The following LRRTM3 variants were observed in gnomAD, a reference collection of about 807,000 sequenced individuals.
The protein encoded by LRRTM3 is leucine-rich repeat transmembrane neuronal protein 3.
In LRRTM3, 24 loss-of-function variants were observed where a neutral mutation model predicts 44.7. The observed-to-expected ratio is 0.54, with a 90% CI of 0.39 to 0.76. LRRTM3 has a LOEUF of 0.76. LRRTM3 is among the 30% of genes least tolerant of loss of function. LRRTM3 has a pLI of 0.00. For missense variants in LRRTM3, 587 were observed against 702.2 expected (o/e 0.84, Z 1.85); for synonymous variants, 277 against 278.7 (o/e 0.99, Z 0.06).
chr10:67,020,624 G>T (rs563724367), intron 2 of LRRTM3, among the ~76,000 whole-genome samples: 1 of 152,182 alleles, frequency 6.6e-6, no homozygotes, highest in Non-Finnish European at 1.5e-5. Context: ...GATTGCTTAA[G>T]GACAGCCCCT....
intron 2 of LRRTM3, among the ~76,000 whole-genome samples, chr10:66,979,010 G>T (rs1850252533): frequency 1.4e-5 from 2 of 138,658 alleles, no homozygotes; most frequent in Non-Finnish European, 3.0e-5. Flanking sequence ...TGCCACCCAG[G>T]CTGGAGTGCA....
intron 2 of LRRTM3, among the ~76,000 whole-genome samples, chr10:67,040,686 C>T (rs950345592): frequency 2.6e-5 from 4 of 151,766 alleles, no homozygotes; most frequent in African/African-American, 9.7e-5. Flanking sequence ...AAATTAAAAC[C>T]CCTGAGAATC....
At chr10:66,933,018 C>T (rs147093984) in intron 2 of LRRTM3, among the ~76,000 whole-genome samples, 2 of 152,278 alleles carry the variant, frequency 1.3e-5, no homozygotes, top group African/African-American at 4.8e-5. Context: ...CAGATGTGTA[C>T]TATTGACTGC....
intron 2 of LRRTM3, among the ~76,000 whole-genome samples, chr10:66,939,165 T>C (rs1564781399): frequency 6.6e-6 from 1 of 152,206 alleles, no homozygotes; most frequent in African/African-American, 2.4e-5. Context: ...CAAGTAGTAA[T>C]GCTCATCTTT....
At chr10:66,990,447 C>G (rs1234570102) in intron 2 of LRRTM3, among the ~76,000 whole-genome samples, 1 of 152,162 alleles carries the variant, frequency 6.6e-6, no homozygotes, top group Non-Finnish European at 1.5e-5. Flanking sequence ...TATGGAATTT[C>G]TAATCACCAT....
At chr10:66,978,677 G>C (rs991940154) in intron 2 of LRRTM3, among the ~76,000 whole-genome samples, 2 of 147,906 alleles carry the variant, frequency 1.4e-5, no homozygotes, top group Non-Finnish European at 3.0e-5. Flanking sequence ...ACTATAAATA[G>C]CAAATAAAAA....
intron 2 of LRRTM3, among the ~76,000 whole-genome samples, chr10:67,019,581 A>G (rs1004918052): frequency 1.3e-5 from 2 of 152,224 alleles, no homozygotes; most frequent in African/African-American, 4.8e-5. Flanking sequence ...TGTACACTTT[A>G]TAAATAAGAA....
chr10:67,046,844 G>A (rs995346428), intron 2 of LRRTM3, among the ~76,000 whole-genome samples: 1 of 152,092 alleles, frequency 6.6e-6, no homozygotes, highest in Non-Finnish European at 1.5e-5. Flanking sequence ...AGGACTTTTT[G>A]GGTGAGTAGA....
intron 2 of LRRTM3, among the ~76,000 whole-genome samples, chr10:67,037,333 C>T (rs1472227177): frequency 2.0e-5 from 3 of 147,354 alleles, no homozygotes; most frequent in Non-Finnish European, 4.4e-5. Flanking sequence ...TCAGCAGTTA[C>T]TATGTGGCAA....
intron 2 of LRRTM3, among the ~76,000 whole-genome samples, chr10:66,993,200 T>G (rs1437369177): frequency 6.6e-6 from 1 of 152,110 alleles, no homozygotes; most frequent in African/African-American, 2.4e-5. Flanking sequence ...TTTTTCTCCA[T>G]GTGGGTATCT....
chr10:67,050,650 C>T (rs968167263), intron 2 of LRRTM3, among the ~76,000 whole-genome samples: 3 of 152,162 alleles, frequency 2.0e-5, no homozygotes, highest in Non-Finnish European at 2.9e-5. Flanking sequence ...TGCCCAGACT[C>T]GTGTCCTGCA....
rs200594004 is a variant in LRRTM3 at position 66,973,605 on chromosome 10, A to T, written c.1536+45153A>T. On this transcript the variant is annotated intron_variant, in intron 2 of 2. Coordinates refer to ENST00000361320, the MANE Select transcript of LRRTM3 (RefSeq NM_178011.5). ...AAGTGCTAAATTAAATACACTCTCA[A>T]ATAATTTTGTTAGACTATTAAATTA... 4.6e-5 allele frequency among the ~76,000 whole-genome samples: 7 copies of T among 152,256 alleles called. No homozygotes were observed. In the East Asian group the frequency reaches 1.2e-3, roughly 25 times the overall value.
At chr10:67,011,057 C>A (rs757130549) in intron 2 of LRRTM3, among the ~76,000 whole-genome samples, 47 of 152,138 alleles carry the variant, frequency 3.1e-4, no homozygotes, top group African/African-American at 1.1e-3. Flanking sequence ...AGGCCAGGCG[C>A]GGTGGCTCAC....
intron 2 of LRRTM3, among the ~76,000 whole-genome samples, chr10:66,946,822 G>A (rs1416780362): frequency 1.3e-5 from 2 of 151,962 alleles, no homozygotes. Flanking sequence ...ATGGATCTAC[G>A]TATGTACTTG....
intron 2 of LRRTM3, among the ~76,000 whole-genome samples, chr10:66,973,908 C>T (rs1849873986): frequency 6.6e-6 from 1 of 152,168 alleles, no homozygotes; most frequent in Non-Finnish European, 1.5e-5. Context: ...AGGCGTGAAC[C>T]ACCGCGTCCA....
intron 2 of LRRTM3, among the ~76,000 whole-genome samples, chr10:66,980,870 C>T (rs1850388241): frequency 6.6e-6 from 1 of 152,084 alleles, no homozygotes; most frequent in Non-Finnish European, 1.5e-5. Flanking sequence ...ACACATTGAT[C>T]ACTTCAAGCA....
At chr10:66,986,016 A>G (rs1343681264) in intron 2 of LRRTM3, among the ~76,000 whole-genome samples, 1 of 152,026 alleles carries the variant, frequency 6.6e-6, no homozygotes, top group East Asian at 1.9e-4. Context: ...GTGAGCCACC[A>G]TGCCTGGCCT....
chr10:66,967,339 T>G (rs535100884), intron 2 of LRRTM3, among the ~76,000 whole-genome samples: 4 of 141,078 alleles, frequency 2.8e-5, no homozygotes, highest in African/African-American at 9.9e-5. Context: ...TAGACATATA[T>G]ATATATAGAT....
chr10:66,974,072 G>T (rs1296485835), intron 2 of LRRTM3, among the ~76,000 whole-genome samples: 1 of 152,054 alleles, frequency 6.6e-6, no homozygotes, highest in Non-Finnish European at 1.5e-5. Context: ...CAAAAAAGTT[G>T]CCCTGAGTCT....
Sources: gnomAD v4.1 joint callset for allele counts (sites outside exome capture counted in the v4.1 genomes callset) on GRCh38, gnomAD v4.1.1 for gene constraint, MANE v1.5 for transcripts, NCBI Gene and HGNC (gene_info 2026-07-23, HGNC 2026-07-21) for gene names.